Variants in ADPRHL1 observed in about 807,000 individuals in gnomAD.
The protein encoded by ADPRHL1 is ADP-ribosylhydrolase like 1.
A neutral mutation model predicts 44.1 loss-of-function variants in ADPRHL1; 43 were observed. That is an observed-to-expected ratio of 0.98 (90% CI 0.76 to 1.26). The LOEUF is 1.26. ADPRHL1 is among the 50% of genes most tolerant of loss of function. ADPRHL1 has a pLI of 0.00. For missense variants in ADPRHL1, 2,022 were observed against 2,496.9 expected, an observed-to-expected ratio of 0.81 and a Z score of 4.05; for synonymous variants, 878 against 1,017.4, an observed-to-expected ratio of 0.86 and a Z score of 2.61.
intron 7 of ADPRHL1, chr13:113,422,455 C>T (rs1440394384): frequency 1.1e-5 from 2 of 189,088 alleles, no homozygotes; most frequent in Admixed American, 5.5e-5. Context: ...GGGGGGCCTG[C>T]TGGAGGCCAC....
At position 113,413,760 on chromosome 13, in the gene ADPRHL1, C is replaced by T. The variant is rs868078679; in HGVS notation, c.1062-5540G>A. On this transcript the variant is annotated intron_variant, in intron 7 of 7. Coordinates refer to ENST00000612156, the MANE Select transcript of ADPRHL1 (RefSeq NM_001394807.1). ...CCGCTGCCCGCCCAGCAGTGCGGGG[C>T]GAGACCGGGCCTCCCTCAGCGTCCC... is the stretch of plus-strand genomic sequence containing the variant. Among the ~76,000 whole-genome samples, 12 of 152,316 alleles carry T rather than the reference C, an allele frequency of 7.9e-5. No homozygotes were observed. The Middle Eastern group carries it at 0.01, about 130-fold the overall frequency.
Position 113,403,869 on chromosome 13 carries a change from G to C in ADPRHL1, c.5413C>G (p.Arg1805Gly), listed in dbSNP as rs12385889. 5 of 488,842 alleles carry C rather than the reference G, an allele frequency of 1.0e-5. No homozygotes were observed. The highest frequency in any genetic ancestry group is 7.1e-4 in the Middle Eastern group (1 of 1,404). 30.3% of individuals were successfully genotyped at this position (488,842 alleles called of 1,614,324 possible). A position where few individuals can be genotyped will look rare whatever the true frequency, so the allele number is the denominator to read the frequency against. ...ATCCCACTTGTCAAGGCCTGTTCCCGACCCTGTTCCCAAGCCCGTTCCTGA... is the reference window on the plus strand; with the variant it reads ...ATCCCACTTGTCAAGGCCTGTTCCCCACCCTGTTCCCAAGCCCGTTCCTGA... Reference protein sequence around the residue: ...GAQERAWEQGREQALTSGMAP... With the variant: ...GAQERAWEQGGEQALTSGMAP... Residue 1805 changes from arginine (R) to glycine (G), a missense_variant, in exon 8 of 8, where the codon CGG (arginine) becomes GGG (glycine). Coordinates refer to ENST00000612156, the MANE Select transcript of ADPRHL1 (RefSeq NM_001394807.1).
rs186534282 is a variant in ADPRHL1 at position 113,429,475 on chromosome 13, C to T, written c.506-383G>A. 7.2e-5 allele frequency among the ~76,000 whole-genome samples: 11 copies of T among 152,362 alleles called. 1 individual carries two copies. Among genetic ancestry groups the T allele is most frequent in the Non-Finnish European group, 8.8e-5 (6 of 68,036 alleles). ...CTCAGGACGCATCCCCAGGTTCACC[C>T]GCGTGGCTCGCCACGGCTTCCCTTC... On this transcript the variant is annotated intron_variant, in intron 3 of 7. Transcript: ENST00000612156.
chr13:113,427,542 CTTT>C (rs776970708), intron 4 of ADPRHL1, among the ~76,000 whole-genome samples: 4 of 146,440 alleles, frequency 2.7e-5, no homozygotes, highest in Non-Finnish European at 1.5e-5. Context: ...TTTTTCTTTT[CTTT>C]TTTTTTTTTT....
intron 7 of ADPRHL1, among the ~76,000 whole-genome samples, chr13:113,415,270 G>C (rs1299788373): frequency 6.6e-6 from 1 of 152,186 alleles, no homozygotes; most frequent in East Asian, 1.9e-4. Flanking sequence ...GGTGAGAAAC[G>C]CCTGCCCGCG....
intron 4 of ADPRHL1, 145 bp downstream of exon 4, chr13:113,428,807 G>T: frequency 7.6e-7 from 1 of 1,307,622 alleles, no homozygotes; most frequent in Non-Finnish European, 1.0e-6. Context: ...GCCTTGCGAG[G>T]CCAGCTCTGC....
rs139926298 is a variant in ADPRHL1 at position 113,449,109 on chromosome 13, G to A, written c.214+4115C>T. 138 of 992,920 alleles carry A rather than the reference G, an allele frequency of 1.4e-4. 1 individual carries two copies. In the Admixed American group the frequency reaches 2.5e-3, roughly 18 times the overall value. 61.5% of individuals were successfully genotyped at this position (992,920 alleles called of 1,614,324 possible). On this transcript the variant is annotated intron_variant, in intron 1 of 7. Coordinates refer to ENST00000612156, the MANE Select transcript of ADPRHL1 (RefSeq NM_001394807.1). ...ATGTGTCTTGTAGAGCGCTAGACAC[G>A]GCTACTTCCTGGTTCAGAGTCTGCT...
intron 2 of ADPRHL1, among the ~76,000 whole-genome samples, chr13:113,435,920 T>C (rs1224064231): frequency 2.3e-4 from 31 of 133,736 alleles, no homozygotes; most frequent in Non-Finnish European, 3.6e-4. Flanking sequence ...AGGGTGAACA[T>C]AGGTGTACCC....
chr13:113,439,243 C>T (rs1344312135), intron 2 of ADPRHL1, among the ~76,000 whole-genome samples: 1 of 152,032 alleles, frequency 6.6e-6, no homozygotes, highest in East Asian at 1.9e-4. Flanking sequence ...GTGCCTCAGC[C>T]TCCTGAATAG....
At position 113,403,339 on chromosome 13, in the gene ADPRHL1, G is replaced by T; in HGVS notation, c.*39C>A. ...GCCTGAAGTCCCTCAATGGGCGGAT[G>T]TCACAGTGCTGGGCGAGCCACGGTG... On this transcript the variant is annotated 3_prime_UTR_variant, in exon 8 of 8. Transcript: ENST00000612156. 8.1e-7 allele frequency: 1 copy of T among 1,231,382 alleles called. No homozygotes were observed. The highest frequency in any genetic ancestry group is 4.2e-5 in the Admixed American group (1 of 23,720). The allele number at this position is 1,231,382 out of a possible 1,614,324, so 76.3% of individuals were successfully genotyped here. A position where few individuals can be genotyped will look rare whatever the true frequency, so the allele number is the denominator to read the frequency against.
Position 113,405,803 on chromosome 13 carries a change from G to C in ADPRHL1, c.3479C>G (p.Pro1160Arg). ...GTCTCGAGGGAGAGCCTCTCCTCTGGGGTGGCTTTCGGACAAGGCTCTGCT... is the reference window on the plus strand; with the variant it reads ...GTCTCGAGGGAGAGCCTCTCCTCTGCGGTGGCTTTCGGACAAGGCTCTGCT... ...WGSRALSESHPRGEALPRDPH... is the reference protein window; with the variant it reads ...WGSRALSESHRRGEALPRDPH... The change falls in exon 8 of 8, where the codon CCC (proline) becomes CGC (arginine). Residue 1160 changes from proline (P) to arginine (R), a missense_variant. Physicochemically the swap from Pro to Arg is moderately radical, Grantham distance 103. Coordinates refer to ENST00000612156, the MANE Select transcript of ADPRHL1 (RefSeq NM_001394807.1). The C allele has an allele frequency of 8.1e-7, 1 of 1,231,832 alleles. No homozygotes were observed. The highest frequency in any genetic ancestry group is 1.0e-6 in the Non-Finnish European group (1 of 988,040). The allele number at this position is 1,231,832 out of a possible 1,614,324, so 76.3% of individuals were successfully genotyped here. A position where few individuals can be genotyped will look rare whatever the true frequency, so the allele number is the denominator to read the frequency against.
At chr13:113,434,003 G>A (rs181283749) in intron 2 of ADPRHL1, 136 bp from the exon 3 acceptor site, 41 of 1,317,260 alleles carry the variant, frequency 3.1e-5, no homozygotes, top group African/African-American at 1.5e-4. Context: ...TTAAATGAGC[G>A]AGCCATGGGC....
rs2043780015 is a variant in ADPRHL1 at position 113,403,609 on chromosome 13, C to T, written c.5673G>A (p.Glu1891=). 1 of 1,231,704 alleles carries T rather than the reference C, an allele frequency of 8.1e-7. No individual in the cohort carries two copies. The highest frequency in any genetic ancestry group is 1.0e-6 in the Non-Finnish European group (1 of 987,964). The allele number at this position is 1,231,704 out of a possible 1,614,324, so 76.3% of individuals were successfully genotyped here. ...CCTGGGGAGTCCCGCAGCCCCCAGCCTCAGGCTTGGGCTCAGTTGGGCTCT... is the reference window on the plus strand; with the variant it reads ...CCTGGGGAGTCCCGCAGCCCCCAGCTTCAGGCTTGGGCTCAGTTGGGCTCT... The part of the protein sequence containing the change: ...LGKSPTEPKP[E]AGGCGTPQAP... The change falls in exon 8 of 8, where the codon GAG becomes GAA. Residue 1891 remains glutamate, a synonymous_variant. Transcript: ENST00000612156.
chr13:113,413,444 G>T (rs185128650), intron 7 of ADPRHL1, among the ~76,000 whole-genome samples: 1 of 152,172 alleles, frequency 6.6e-6, no homozygotes, highest in Non-Finnish European at 1.5e-5. Context: ...CAGCGTGGAC[G>T]CCAGGAACGC....
In ADPRHL1 at chr13:113,404,463, A is replaced by G. The variant is rs2139591229; in HGVS notation, c.4819T>C (p.Trp1607Arg). 1 of 1,278,528 alleles carries G rather than the reference A, an allele frequency of 7.8e-7. No homozygotes were observed. Among genetic ancestry groups the G allele is most frequent in the Non-Finnish European group, 9.8e-7 (1 of 1,021,362 alleles). 79.2% of individuals were successfully genotyped at this position (1,278,528 alleles called of 1,614,324 possible). A position where few individuals can be genotyped will look rare whatever the true frequency, so the allele number is the denominator to read the frequency against. The change falls in exon 8 of 8, where the codon TGG (tryptophan) becomes CGG (arginine). Residue 1607 changes from tryptophan (W) to arginine (R), a missense_variant. Physicochemically the swap from Trp to Arg is moderately radical, Grantham distance 101. Coordinates refer to ENST00000612156, the MANE Select transcript of ADPRHL1 (RefSeq NM_001394807.1). ...TGTCCCTGAGCCTCTTCCTGGGCCC[A>G]TTTCTGAACCTCTCCTTGAACCTGT... is the stretch of plus-strand genomic sequence containing the variant. Reference protein sequence around the residue: ...QKQVQGEVQKWAQEEAQGQAQ... With the variant: ...QKQVQGEVQKRAQEEAQGQAQ...
intron 1 of ADPRHL1, chr13:113,449,357 G>GGAAGGAGGGAGCCCTGTTCAGAGAC (rs2044164196): frequency 1.1e-5 from 4 of 371,022 alleles, no homozygotes; most frequent in African/African-American, 9.1e-5. Context: ...TGTTCAGAGA[G>GGAAGGAGGGAGCCCTGTTCAGAGAC]ACACACCCGG....
At chr13:113,444,052 G>A (rs1459257214) in intron 2 of ADPRHL1, among the ~76,000 whole-genome samples, 1 of 152,230 alleles carries the variant, frequency 6.6e-6, no homozygotes, top group Non-Finnish European at 1.5e-5. Context: ...GCTGACAAAG[G>A]AGGGGCCCCG....
Position 113,406,659 on chromosome 13 carries a change from C to T in ADPRHL1, c.2623G>A (p.Gly875Arg). Residue 875 changes from glycine (G) to arginine (R), a missense_variant, in exon 8 of 8, where the codon GGA becomes AGA. This residue lies in a region of ADPRHL1 where 1,221 missense variants were observed against 1,517.8 expected (regional missense o/e 0.80). Transcript: ENST00000612156. The stretch of plus-strand genomic sequence containing the variant: ...TGGGCATTTTCAACCACATTCTCTC[C>T]TCCACAAATACAAGGTTTGTTTTCA... ...SGENKPCICG[G>R]ENVVENAHTE... 1 of 1,172,700 alleles carries T rather than the reference C, an allele frequency of 8.5e-7. No homozygotes were observed. 72.6% of individuals were successfully genotyped at this position (1,172,700 alleles called of 1,614,324 possible).
intron 1 of ADPRHL1, among the ~76,000 whole-genome samples, chr13:113,446,780 A>G (rs2044141578): frequency 6.6e-6 from 1 of 151,670 alleles, no homozygotes; most frequent in Non-Finnish European, 1.5e-5. Flanking sequence ...TCATACAGGC[A>G]TGGCTTTGTC....
Sources: allele counts gnomAD v4.1 joint callset (sites outside exome capture counted in the v4.1 genomes callset), GRCh38; gene constraint gnomAD v4.1.1; regional missense constraint gnomAD v4.1.1; transcripts MANE v1.5; gene names NCBI Gene and HGNC (gene_info 2026-07-23, HGNC 2026-07-21).